TRPM3: variants seen among roughly 807,000 people sequenced by gnomAD.
TRPM3 encodes the protein transient receptor potential cation channel subfamily M member 3.
In TRPM3, 77 loss-of-function variants were observed where a neutral mutation model predicts 181.2. That is an observed-to-expected ratio of 0.42 (90% CI 0.35 to 0.51). TRPM3 has a LOEUF of 0.51. Among genes scored for constraint, TRPM3 ranks in the 20% least tolerant of loss-of-function variants. The probability of loss-of-function intolerance (pLI) is 0.01; values close to 1 mark genes in which losing one functional copy is unlikely to be tolerated. For missense variants in TRPM3, 1,759 were observed against 2,196.7 expected (o/e 0.80, Z 3.98); for synonymous variants, 745 against 796.4 (o/e 0.94, Z 1.09).
intron 1 of TRPM3, among the ~76,000 whole-genome samples, chr9:71,358,198 C>T (rs1388167464): frequency 1.3e-5 from 2 of 152,236 alleles, no homozygotes; most frequent in East Asian, 3.9e-4. Flanking sequence ...AACAGGATAT[C>T]AACTTATTTT....
intron 22 of TRPM3, among the ~76,000 whole-genome samples, chr9:70,579,912 C>A (rs541694242): frequency 6.6e-6 from 1 of 152,336 alleles, no homozygotes; most frequent in East Asian, 1.9e-4. Flanking sequence ...TGGCTTCTGG[C>A]TGCTCAGGGT....
At chr9:70,914,243 CT>C (rs2096567820) in intron 1 of TRPM3, among the ~76,000 whole-genome samples, 1 of 152,178 alleles carries the variant, frequency 6.6e-6, no homozygotes, top group African/African-American at 2.4e-5. Context: ...GCATTTGCCC[CT>C]TCTGTCATGT....
intron 6 of TRPM3, among the ~76,000 whole-genome samples, chr9:70,794,062 G>C (rs1466155690): frequency 1.3e-5 from 2 of 152,014 alleles, no homozygotes; most frequent in Admixed American, 1.3e-4. Context: ...TGGACTTGAG[G>C]GTCCTTCATA....
intron 1 of TRPM3, among the ~76,000 whole-genome samples, chr9:71,397,327 T>C (rs546191113): frequency 4.6e-5 from 7 of 152,342 alleles, no homozygotes; most frequent in Non-Finnish European, 1.0e-4. Context: ...TCTGTTTTTT[T>C]TAAAAGGGGC....
intron 1 of TRPM3, among the ~76,000 whole-genome samples, chr9:70,915,443 G>A (rs916769856): frequency 8.0e-5 from 12 of 150,436 alleles, no homozygotes; most frequent in Admixed American, 2.0e-4. Context: ...GACTACAGGC[G>A]CCCACCACCA....
At chr9:70,879,490 T>TG (rs2095941635) in intron 1 of TRPM3, among the ~76,000 whole-genome samples, 1 of 152,080 alleles carries the variant, frequency 6.6e-6, no homozygotes, top group Admixed American at 6.6e-5. Context: ...TTCTTTCGCC[T>TG]GCCCATTAAC....
At chr9:71,420,879 GAGGGAGAGAAAAAGGGAGAGAAAA>G (rs1191348144) in intron 1 of TRPM3, among the ~76,000 whole-genome samples, 1 of 9,164 alleles carries the variant, frequency 1.1e-4, no homozygotes, top group Non-Finnish European at 2.0e-4. Flanking sequence ...GAGAGAAAAG[GAGGGAGAGAAAAAGGGAGAGAAAA>G]AGGGAGAGAA....
At position 71,121,433 on chromosome 9, in the gene TRPM3, GCCTGAGCC is replaced by G. The variant is rs1170866033; in HGVS notation, c.-87_-80del. On this transcript the variant is annotated 5_prime_UTR_variant, in exon 1 of 26. It introduces an in-frame stop codon into an upstream open reading frame of the 5' UTR. Coordinates refer to ENST00000677713, the MANE Select transcript of TRPM3 (RefSeq NM_001366145.2). ...CTTGGAAGACTAGTCAAGTAGCCTTGCCTGAGCCCCTGAACCTTCTTAAAACAGCCACC... is the reference window on the plus strand; with the variant it reads ...CTTGGAAGACTAGTCAAGTAGCCTTGCCTGAACCTTCTTAAAACAGCCACC... 6.1e-5 allele frequency: 94 copies of G among 1,533,750 alleles called. No homozygotes were observed. Among genetic ancestry groups the G allele is most frequent in the Non-Finnish European group, 8.0e-5 (92 of 1,143,480 alleles).
rs556077923 is a variant in TRPM3, at chr9:71,418,273, A to C, written c.183+28380T>G. On this transcript the variant is annotated intron_variant, in intron 1 of 24. Transcript: ENST00000357533. ...AAACACAAACCAAAGGGAATTTATT[A>C]AGAGGATATCAGGGACTCACAGAAT... Among the ~76,000 whole-genome samples the C allele has an allele frequency of 1.9e-4, 29 of 152,040 alleles. 1 individual carries two copies. The South Asian group carries it at 6.0e-3, about 32-fold the overall frequency.
In TRPM3 at chr9:70,762,547, T is replaced by C. The variant is rs572203312; in HGVS notation, c.1149-823A>G. On this transcript the variant is annotated intron_variant, in intron 7 of 25. Coordinates refer to ENST00000677713, the MANE Select transcript of TRPM3 (RefSeq NM_001366145.2). ...CTCACTTTATTAATAACAGATACTA[T>C]TTAAATTCAGGAAGACAAAACTGCT... Among the ~76,000 whole-genome samples the C allele has an allele frequency of 5.9e-5, 9 of 152,312 alleles. No individual in the cohort carries two copies. In the East Asian group the frequency reaches 9.6e-4, roughly 16 times the overall value.
intron 8 of TRPM3, among the ~76,000 whole-genome samples, chr9:70,737,585 G>T (rs2073028371): frequency 8.4e-6 from 1 of 119,720 alleles, no homozygotes; most frequent in Non-Finnish European, 1.7e-5. Context: ...ACACAGAATG[G>T]ATAAGAATTC....
chr9:70,832,289 T>C (rs935482606), intron 5 of TRPM3, among the ~76,000 whole-genome samples: 1 of 151,658 alleles, frequency 6.6e-6, no homozygotes, highest in East Asian at 1.9e-4. Flanking sequence ...ACTTAAAGTA[T>C]AATAATAAAA....
chr9:71,346,270 G>C (rs565474333), intron 1 of TRPM3, among the ~76,000 whole-genome samples: 1 of 152,252 alleles, frequency 6.6e-6, no homozygotes, highest in East Asian at 1.9e-4. Context: ...AAAATCTACA[G>C]ACTTTAAAAA....
chr9:70,901,845 G>A (rs2096391806), intron 1 of TRPM3, among the ~76,000 whole-genome samples: 1 of 152,154 alleles, frequency 6.6e-6, no homozygotes, highest in Non-Finnish European at 1.5e-5. Flanking sequence ...AATGACTAAT[G>A]ATATGAGAGT....
At chr9:70,568,673 A>T (rs2132121874) in intron 22 of TRPM3, among the ~76,000 whole-genome samples, 1 of 152,346 alleles carries the variant, frequency 6.6e-6, no homozygotes, top group South Asian at 2.1e-4. Context: ...GCACAATGAC[A>T]CACAGCTAGC....
chr9:70,668,672 GAAA>G (rs57929544), intron 9 of TRPM3, among the ~76,000 whole-genome samples: 13,372 of 86,280 alleles, frequency 0.15, 310 homozygotes, highest in East Asian at 0.36. Context: ...CTCAAAAAAA[GAAA>G]AAAAAAAAAA....
intron 1 of TRPM3, among the ~76,000 whole-genome samples, chr9:70,937,773 A>G (rs1320404046): frequency 6.6e-6 from 1 of 151,104 alleles, no homozygotes; most frequent in Non-Finnish European, 1.5e-5. Flanking sequence ...CTGGGGCCAG[A>G]GAGCTCTAGC....
chr9:71,312,777 T>C (rs1016497175), intron 1 of TRPM3, among the ~76,000 whole-genome samples: 2 of 152,112 alleles, frequency 1.3e-5, no homozygotes, highest in African/African-American at 2.4e-5. Context: ...GTGCATATTA[T>C]TGAGAGTAAC....
rs560430791 is a variant in TRPM3, at chr9:70,690,518, C to T, written c.1273-8940G>A. On this transcript the variant is annotated intron_variant, in intron 8 of 25. Transcript: ENST00000677713. ...AATTAGACTCAGTAAGCAATTCAGTCGCTACAATGAAATAACTTTTTATTT... is the reference window on the plus strand; with the variant it reads ...AATTAGACTCAGTAAGCAATTCAGTTGCTACAATGAAATAACTTTTTATTT... 1.3e-3 allele frequency among the ~76,000 whole-genome samples: 202 copies of T among 151,590 alleles called. 6 individuals carry two copies. The Middle Eastern group carries it at 0.017, about 13-fold the overall frequency.
Sources: gnomAD v4.1 joint callset for allele counts (sites outside exome capture counted in the v4.1 genomes callset) on GRCh38, gnomAD v4.1.1 for gene constraint, MANE v1.5 for transcripts, NCBI Gene and HGNC (gene_info 2026-07-23, HGNC 2026-07-21) for gene names.